Variants in AUTS2 observed in about 807,000 individuals in gnomAD.
The protein encoded by AUTS2 is activator of transcription and developmental regulator AUTS2.
Under a neutral mutation model 112.4 loss-of-function variants are expected in AUTS2, and 17 were observed. The ratio of observed to expected loss-of-function variants is 0.15; its 90% confidence interval spans 0.10 to 0.23. The LOEUF is 0.23. AUTS2 is among the 10% of genes least tolerant of loss of function. The pLI is 1.00. For missense variants in AUTS2, 1,510 were observed against 1,701.6 expected, an observed-to-expected ratio of 0.89 and a Z score of 1.98; for synonymous variants, 751 against 702.7, an observed-to-expected ratio of 1.07 and a Z score of -1.09.
chr7:70,326,130 G>A (rs1790475126), intron 4 of AUTS2, among the ~76,000 whole-genome samples: 1 of 152,042 alleles, frequency 6.6e-6, no homozygotes, highest in Admixed American at 6.5e-5. Flanking sequence ...TCCCTGAAAG[G>A]GGCCTTTCCA....
intron 4 of AUTS2, among the ~76,000 whole-genome samples, chr7:70,431,531 G>A (rs370987662): frequency 6.6e-5 from 10 of 152,132 alleles, no homozygotes; most frequent in East Asian, 3.9e-4. Context: ...GATTACAGGC[G>A]CGTGCCACCA....
chr7:70,324,095 G>A (rs1350149355), intron 4 of AUTS2, among the ~76,000 whole-genome samples: 1 of 152,164 alleles, frequency 6.6e-6, no homozygotes, highest in African/African-American at 2.4e-5. Flanking sequence ...TGGGAACCAA[G>A]GGGAGAACCT....
At chr7:70,131,390 G>A (rs1343687474) in intron 3 of AUTS2, among the ~76,000 whole-genome samples, 2 of 152,178 alleles carry the variant, frequency 1.3e-5, no homozygotes, top group Non-Finnish European at 2.9e-5. Context: ...AGGTTGCAGT[G>A]AGTCATGATC....
intron 3 of AUTS2, among the ~76,000 whole-genome samples, chr7:70,133,174 A>G (rs1376709071): frequency 3.9e-5 from 6 of 152,164 alleles, no homozygotes; most frequent in Non-Finnish European, 1.5e-5. Flanking sequence ...AGATGAGGAA[A>G]GTTTTGCTTT....
At chr7:70,085,255 G>A (rs1172388802) in intron 2 of AUTS2, among the ~76,000 whole-genome samples, 2 of 152,142 alleles carry the variant, frequency 1.3e-5, no homozygotes, top group East Asian at 3.8e-4. Flanking sequence ...TTTCCCTTAT[G>A]CCTTGCTCTG....
Position 70,790,132 on chromosome 7 carries a change from G to C in AUTS2, c.2916G>C (p.Glu972Asp). Residue 972 changes from glutamate to aspartate, a missense_variant, in exon 19 of 19, where the codon GAG (glutamate) becomes GAC (aspartate). Physicochemically the swap from Glu to Asp is conservative, Grantham distance 45. Around this residue, in one of 3 missense-constraint regions of AUTS2, gnomAD observed 788 missense variants for 797.6 expected, o/e 0.99. Transcript: ENST00000342771. This position sits in a 1 kb window ranked among gnomAD's most constrained non-coding sequence, Gnocchi z 7.6. ...CGCGCAAGGGTGAGCCGGCCTACGA[G>C]AACCCCAAGAAGAGCTCCGAGGTCA... ...AEPRKGEPAY[E>D]NPKKSSEVKV... is the part of the protein sequence containing the mutation. 1 of 1,607,174 alleles carries C rather than the reference G, an allele frequency of 6.2e-7. No individual in the cohort carries two copies. Among genetic ancestry groups the C allele is most frequent in the Non-Finnish European group, 8.5e-7 (1 of 1,177,670 alleles).
At chr7:70,556,009 T>A (rs892338523) in intron 5 of AUTS2, among the ~76,000 whole-genome samples, 1 of 152,138 alleles carries the variant, frequency 6.6e-6, no homozygotes, top group Non-Finnish European at 1.5e-5. Flanking sequence ...GGTTTCACCT[T>A]GTTAGCCAGG....
chr7:69,813,156 G>C (rs1405224852), intron 1 of AUTS2, among the ~76,000 whole-genome samples: 1 of 152,062 alleles, frequency 6.6e-6, no homozygotes. Context: ...CTTGCTTGCT[G>C]TTCTTGAACC....
intron 1 of AUTS2, among the ~76,000 whole-genome samples, chr7:69,693,660 A>C (rs1307336491): frequency 2.0e-5 from 3 of 152,120 alleles, no homozygotes; most frequent in South Asian, 2.1e-4. Context: ...GTGATATCAT[A>C]TCTCTCTCTC....
intron 2 of AUTS2, among the ~76,000 whole-genome samples, chr7:69,994,883 T>C (rs1262507859): frequency 6.6e-6 from 1 of 152,152 alleles, no homozygotes; most frequent in African/African-American, 2.4e-5. Context: ...TTAGAAAAGA[T>C]CCATTGTTTG....
chr7:70,499,995 G>C (rs933189000), intron 5 of AUTS2, among the ~76,000 whole-genome samples: 1 of 152,066 alleles, frequency 6.6e-6, no homozygotes, highest in South Asian at 2.1e-4. Context: ...TGTACGTGTG[G>C]AGTGCCATAG....
intron 5 of AUTS2, among the ~76,000 whole-genome samples, chr7:70,542,741 C>T (rs557138592): frequency 7.9e-5 from 12 of 152,310 alleles, no homozygotes; most frequent in South Asian, 2.1e-4. Flanking sequence ...GTAGAAGAGA[C>T]GTGCCCAGAG....
chr7:69,783,817 A>G (rs1789248184), intron 1 of AUTS2, among the ~76,000 whole-genome samples: 4 of 152,120 alleles, frequency 2.6e-5, no homozygotes, highest in Admixed American at 2.6e-4. Context: ...GTTTTTGATC[A>G]TTTGAATAGG....
chr7:69,993,805 T>C (rs1374690519), intron 2 of AUTS2, among the ~76,000 whole-genome samples: 1 of 152,206 alleles, frequency 6.6e-6, no homozygotes, highest in Non-Finnish European at 1.5e-5. Flanking sequence ...AATCCCAGTA[T>C]GTTTTTATTT....
At chr7:69,841,147 C>T (rs973263649) in intron 1 of AUTS2, among the ~76,000 whole-genome samples, 1 of 152,132 alleles carries the variant, frequency 6.6e-6, no homozygotes, top group Non-Finnish European at 1.5e-5. Flanking sequence ...AATGTTTAAC[C>T]TGAATCTAAC....
chr7:69,761,819 C>T (rs1788197200), intron 1 of AUTS2, among the ~76,000 whole-genome samples: 2 of 152,172 alleles, frequency 1.3e-5, no homozygotes, highest in Admixed American at 1.3e-4. Flanking sequence ...ATTACTTCGA[C>T]TCTTGTCCTG....
chr7:69,954,503 G>A (rs1797143197), intron 2 of AUTS2, among the ~76,000 whole-genome samples: 1 of 152,170 alleles, frequency 6.6e-6, no homozygotes, highest in Non-Finnish European at 1.5e-5. Flanking sequence ...GAATGCAGTG[G>A]CATGATCATA....
In AUTS2 at chr7:69,888,890, C is replaced by T. The variant is rs1794398451; in HGVS notation, c.310-10396C>T. ...GGCCCACCCATTGGGGATATTTCAA[C>T]ATGAGTTTTGGAGGGGACAAATAAA... On this transcript the variant is annotated intron_variant, in intron 1 of 18. Transcript: ENST00000342771. Among the ~76,000 whole-genome samples, 4 of 152,034 alleles carry T rather than the reference C, an allele frequency of 2.6e-5. No individual in the cohort carries two copies. In the South Asian group the frequency reaches 6.2e-4, roughly 24 times the overall value.
intron 5 of AUTS2, among the ~76,000 whole-genome samples, chr7:70,580,496 G>A (rs1378276989): frequency 6.6e-6 from 1 of 152,116 alleles, no homozygotes; most frequent in Non-Finnish European, 1.5e-5. Context: ...TTACTGGTAG[G>A]AATTCTCTCC....
Sources: gnomAD v4.1 joint callset for allele counts (sites outside exome capture counted in the v4.1 genomes callset) on GRCh38, gnomAD v4.1.1 for gene constraint, gnomAD v4.1.1 regional missense constraint, Gnocchi (gnomAD v3.1) non-coding constraint, MANE v1.5 for transcripts, NCBI Gene and HGNC (gene_info 2026-07-23, HGNC 2026-07-21) for gene names.